Variants in MCCC2 observed in about 807,000 individuals in gnomAD.
MCCC2 encodes the protein methylcrotonoyl-CoA carboxylase beta chain, mitochondrial.
MCCC2 carries 52 observed loss-of-function variants against 77.2 expected under a neutral mutation model. The observed-to-expected ratio is 0.67, with a 90% CI of 0.54 to 0.85. MCCC2 has a LOEUF of 0.85. Ranked by LOEUF, MCCC2 falls within the 40% of genes least tolerant of loss-of-function variation. MCCC2 has a pLI of 0.00. For synonymous variants in MCCC2, 253 were observed against 248.4 expected, an observed-to-expected ratio of 1.02 and a Z score of -0.18; for missense variants, 682 against 703.2, an observed-to-expected ratio of 0.97 and a Z score of 0.34.
intron 11 of MCCC2, 62 bp from the exon 12 acceptor site, chr5:71,643,757 C>G: frequency 1.2e-6 from 2 of 1,613,542 alleles, no homozygotes; most frequent in Non-Finnish European, 8.5e-7. Flanking sequence ...ATGCCTCTTT[C>G]TTGTGAATTG....
At chr5:71,593,672 G>A (rs143431675) in intron 2 of MCCC2, among the ~76,000 whole-genome samples, 37 of 152,022 alleles carry the variant, frequency 2.4e-4, no homozygotes, top group African/African-American at 8.2e-4. Context: ...ACAGGTATGA[G>A]CCACCACACC....
Position 71,587,551 on chromosome 5 carries a change from C to T in MCCC2, c.126C>T (p.Tyr42=), listed in dbSNP as rs1744812352. 3 of 1,535,858 alleles carry T rather than the reference C, an allele frequency of 2.0e-6. No homozygotes were observed. Among genetic ancestry groups the T allele is most frequent in the Non-Finnish European group, 1.7e-6 (2 of 1,144,806 alleles). The change falls in exon 1 of 17, where the codon TAC becomes TAT. Residue 42 remains tyrosine (Y), a synonymous_variant. Coordinates refer to ENST00000340941, the MANE Select transcript of MCCC2 (RefSeq NM_022132.5). ...GTQPDLGSAL[Y]QENYKQMKAL... ...AGCCGGACTTGGGCTCTGCCCTCTA[C>T]CAGGTAGGCTGAGCGCCCCGGTGGC...
intron 12 of MCCC2, 116 bp downstream of exon 12, chr5:71,644,011 C>G: frequency 2.6e-6 from 3 of 1,171,194 alleles, no homozygotes; most frequent in Non-Finnish European, 2.4e-6. Flanking sequence ...GCCTCAGCAA[C>G]CAGAACACTG....
intron 12 of MCCC2, 150 bp from the exon 13 acceptor site, chr5:71,646,061 C>CT (rs1343244133): frequency 2.1e-5 from 10 of 471,580 alleles, no homozygotes; most frequent in Admixed American, 4.7e-5. Flanking sequence ...GACCATGTTT[C>CT]TTTAAAAAAA....
intron 6 of MCCC2, among the ~76,000 whole-genome samples, chr5:71,618,589 G>A (rs1371412041): frequency 6.9e-6 from 1 of 145,376 alleles, no homozygotes; most frequent in African/African-American, 2.6e-5. Flanking sequence ...GTGAAGTCTT[G>A]CTGCTCAGGC....
At chr5:71,614,252 T>G (rs541530916) in intron 6 of MCCC2, among the ~76,000 whole-genome samples, 15 of 152,196 alleles carry the variant, frequency 9.9e-5, no homozygotes, top group Middle Eastern at 3.4e-3. Context: ...TCAGGCTATG[T>G]TTCTCCTCTT....
At chr5:71,596,528 T>G (rs1745196531) in intron 3 of MCCC2, among the ~76,000 whole-genome samples, 164 bp downstream of exon 3, 6 of 152,202 alleles carry the variant, frequency 3.9e-5, no homozygotes, top group Admixed American at 3.9e-4. Flanking sequence ...TGTTGACATG[T>G]TTATTGAGAG....
chr5:71,635,308 A>C, intron 10 of MCCC2, 62 bp downstream of exon 10: 2 of 1,436,546 alleles, frequency 1.4e-6, no homozygotes, highest in Non-Finnish European at 2.0e-6. Context: ...ATGTGTATCT[A>C]TTTGCAAAGC....
At chr5:71,608,991 GC>G (rs1329345619) in intron 6 of MCCC2, among the ~76,000 whole-genome samples, 1 of 151,956 alleles carries the variant, frequency 6.6e-6, no homozygotes, top group Non-Finnish European at 1.5e-5. Flanking sequence ...CTCTCTGGCT[GC>G]CCTTAACATT....
intron 1 of MCCC2, among the ~76,000 whole-genome samples, chr5:71,591,300 T>C (rs1161069226): frequency 6.6e-6 from 1 of 152,230 alleles, no homozygotes; most frequent in African/African-American, 2.4e-5. Flanking sequence ...TAAAGTAATA[T>C]GCTGACCAAA....
chr5:71,602,323 T>C (rs1745468131), intron 4 of MCCC2, among the ~76,000 whole-genome samples, 183 bp from the exon 5 acceptor site: 1 of 152,230 alleles, frequency 6.6e-6, no homozygotes, highest in East Asian at 1.9e-4. Flanking sequence ...TTGTATTATA[T>C]AAATTAATAT....
Position 71,656,785 on chromosome 5 carries a change from G to T in MCCC2, c.1617G>T (p.Leu539=). 1 of 1,614,126 alleles carries T rather than the reference G, an allele frequency of 6.2e-7. No homozygotes were observed. The highest frequency in any genetic ancestry group is 8.5e-7 in the Non-Finnish European group (1 of 1,179,974). ...TCATTGATCCAGCAGACACCAGACT[G>T]GTCTTGGGTCTCAGTTTTAGTGCAG... ...DGIIDPADTR[L]VLGLSFSAAL... The change falls in exon 17 of 17, where the codon CTG becomes CTT. Residue 539 remains leucine, a synonymous_variant. Coordinates refer to ENST00000340941, the MANE Select transcript of MCCC2 (RefSeq NM_022132.5).
At chr5:71,649,274 T>C (rs1254420309) in intron 14 of MCCC2, 21 bp downstream of exon 14, 3 of 1,608,854 alleles carry the variant, frequency 1.9e-6, no homozygotes, top group Non-Finnish European at 1.7e-6. Context: ...TGATTTTCTC[T>C]GAAACAAAGA....
chr5:71,642,836 A>T (rs1216107201), intron 11 of MCCC2, among the ~76,000 whole-genome samples: 1 of 152,170 alleles, frequency 6.6e-6, no homozygotes, highest in East Asian at 1.9e-4. Flanking sequence ...TATCACATTA[A>T]ATAAACATGA....
chr5:71,615,259 G>A (rs993752998), intron 6 of MCCC2, among the ~76,000 whole-genome samples: 1 of 152,106 alleles, frequency 6.6e-6, no homozygotes, highest in Non-Finnish European at 1.5e-5. Flanking sequence ...GTGAGCCACC[G>A]CGCCCAGCCA....
At chr5:71,607,421 T>C (rs1433924987) in intron 6 of MCCC2, among the ~76,000 whole-genome samples, 1 of 149,398 alleles carries the variant, frequency 6.7e-6, no homozygotes, top group Non-Finnish European at 1.5e-5. Context: ...TCGGTGGTGA[T>C]ATCCCCTTTA....
rs371290808 is a variant in MCCC2 at position 71,618,959 on chromosome 5, T to C, written c.625-7681T>C. ...TTAGTATAAGCAACAAGGTTTTTGT[T>C]TGAATGAACAGTTTGTTTCTTCTGA... On this transcript the variant is annotated intron_variant, in intron 6 of 16. Transcript: ENST00000340941. Among the ~76,000 whole-genome samples, 7 of 152,338 alleles carry C rather than the reference T, an allele frequency of 4.6e-5. No individual in the cohort carries two copies. The South Asian group carries it at 1.5e-3, about 32-fold the overall frequency.
chr5:71,604,390 A>C lies in MCCC2; in HGVS notation c.546A>C (p.Ala182=). 6.2e-7 allele frequency: 1 copy of C among 1,614,170 alleles called. No homozygotes were observed. The highest frequency in any genetic ancestry group is 1.1e-5 in the South Asian group (1 of 91,086). Residue 182 remains alanine, a synonymous_variant, in exon 6 of 17, where the codon GCA becomes GCC. Coordinates refer to ENST00000340941, the MANE Select transcript of MCCC2 (RefSeq NM_022132.5). ...DSGGAYLPRQ[A]DVFPDRDHFG... Reference sequence around the variant, plus strand: ...GAGGAGCATACTTACCTCGACAAGCAGATGTGTTTCCAGATCGAGACCACT... The same window carrying C: ...GAGGAGCATACTTACCTCGACAAGCCGATGTGTTTCCAGATCGAGACCACT...
rs147009132 is a variant in MCCC2, at chr5:71,633,912, A to G, written c.804-1031A>G. ...ATGTTGTATTAAATTAAAGAAACTG[A>G]AAAAGATCTACCATTTGTGAGGCAT... On this transcript the variant is annotated intron_variant, in intron 8 of 16. Coordinates refer to ENST00000340941, the MANE Select transcript of MCCC2 (RefSeq NM_022132.5). 1.2e-3 allele frequency among the ~76,000 whole-genome samples: 180 copies of G among 152,320 alleles called. 1 individual carries two copies. Among genetic ancestry groups the G allele is most frequent in the African/African-American group, 4.2e-3 (176 of 41,578 alleles).
Sources: gnomAD v4.1 joint callset for allele counts (sites outside exome capture counted in the v4.1 genomes callset) on GRCh38, gnomAD v4.1.1 for gene constraint, MANE v1.5 for transcripts, NCBI Gene and HGNC (gene_info 2026-07-23, HGNC 2026-07-21) for gene names.